B3GALNT2: variants seen among roughly 807,000 people sequenced by gnomAD.
B3GALNT2 encodes the protein UDP-GalNAc:beta-1,3-N-acetylgalactosaminyltransferase 2.
Under a neutral mutation model 61.1 loss-of-function variants are expected in B3GALNT2, and 53 were observed. The observed-to-expected ratio is 0.87, with a 90% confidence interval of 0.70 to 1.09. The LOEUF (loss-of-function observed/expected upper bound fraction) is 1.09, where lower values mean the gene tolerates loss of function less well. B3GALNT2 is among the 50% of genes least tolerant of loss of function. The pLI, the probability that B3GALNT2 is intolerant of heterozygous loss-of-function variation, is 0.00. For missense variants in B3GALNT2, 544 were observed against 623.0 expected, an observed-to-expected ratio of 0.87 and a Z score of 1.35; for synonymous variants, 223 against 237.4, an observed-to-expected ratio of 0.94 and a Z score of 0.56.
In B3GALNT2 at chr1:235,470,886, T is replaced by C; in HGVS notation, c.726A>G (p.Thr242=). The change falls in exon 6 of 12, where the codon ACA becomes ACG. Residue 242 remains threonine (T), a synonymous_variant. Coordinates refer to ENST00000366600, the MANE Select transcript of B3GALNT2 (RefSeq NM_152490.5). ...GLVSRNLHKV[T]VNDGGGVLRV... ...TGAGAACTCCCCCTCCATCATTCAC[T>C]GTCACTTTGTGGAGATTTCTTGACA... 2 of 1,614,122 alleles carry C rather than the reference T, an allele frequency of 1.2e-6. No individual in the cohort carries two copies. Among genetic ancestry groups the C allele is most frequent in the South Asian group, 1.1e-5 (1 of 91,072 alleles).
chr1:235,479,789 G>A, intron 5 of B3GALNT2: 2 of 315,502 alleles, frequency 6.3e-6, no homozygotes, highest in Non-Finnish European at 1.2e-5. Context: ...AAACAATTGT[G>A]TAGTTCTCTA....
At chr1:235,445,213 A>G (rs1030841921), downstream of B3GALNT2, among the ~76,000 whole-genome samples, 1 of 152,016 alleles carries the variant, frequency 6.6e-6, no homozygotes, top group Non-Finnish European at 1.5e-5. Flanking sequence ...CCCCTTTTTT[A>G]TTTGCTTTTC....
At chr1:235,486,806 T>A (rs933891949) in intron 3 of B3GALNT2, among the ~76,000 whole-genome samples, 13 of 152,172 alleles carry the variant, frequency 8.5e-5, no homozygotes, top group African/African-American at 2.9e-4. Context: ...CAATTGTAAT[T>A]TGTTGGAGGA....
Position 235,448,189 on chromosome 1 carries a change from GACTT to G in B3GALNT2, c.*2013_*2016del, listed in dbSNP as rs989400559. Reference sequence around the variant, plus strand: ...CACTCCAGCCTGGGCGACAGAGCAAGACTTACTTAAGTAAGTAAGTAAGTCAGTC... The same window carrying G: ...CACTCCAGCCTGGGCGACAGAGCAAGACTTAAGTAAGTAAGTAAGTCAGTC... On this transcript the variant is annotated 3_prime_UTR_variant, in exon 12 of 12. Coordinates refer to ENST00000366600, the MANE Select transcript of B3GALNT2 (RefSeq NM_152490.5). Among the ~76,000 whole-genome samples, 35 of 119,564 alleles carry G rather than the reference GACTT, an allele frequency of 2.9e-4. No individual in the cohort carries two copies. Among genetic ancestry groups the G allele is most frequent in the Non-Finnish European group, 4.0e-4 (25 of 61,870 alleles). The allele number at this position is 119,564 out of a possible 152,430, so 78.4% of individuals were successfully genotyped here. A position where few individuals can be genotyped will look rare whatever the true frequency, so the allele number is the denominator to read the frequency against.
chr1:235,450,405 T>C (rs376299531), intron 11 of B3GALNT2, 65 bp from the exon 12 acceptor site: 29 of 1,548,840 alleles, frequency 1.9e-5, no homozygotes, highest in Admixed American at 6.7e-5. Flanking sequence ...TCAGAAAGTA[T>C]GCACGTAGAC....
the B3GALNT2 span, chr1:235,441,659 C>T: frequency 1.5e-6 from 1 of 667,290 alleles, no homozygotes; most frequent in Non-Finnish European, 2.6e-6. Context: ...TTGTCCATCA[C>T]TCCTAAAAAT....
chr1:235,489,325 T>A, intron 2 of B3GALNT2, 57 bp from the exon 3 acceptor site: 1 of 1,602,830 alleles, frequency 6.2e-7, no homozygotes, highest in African/African-American at 1.3e-5. Context: ...CACATGCACG[T>A]TTCCTCATGC....
chr1:235,458,388 C>T (rs989464444), intron 8 of B3GALNT2, among the ~76,000 whole-genome samples: 19 of 151,788 alleles, frequency 1.3e-4, no homozygotes, highest in Admixed American at 7.9e-4. Flanking sequence ...TAAATTGTCT[C>T]GATAGCAAAA....
intron 7 of B3GALNT2, among the ~76,000 whole-genome samples, chr1:235,461,007 A>G (rs984242434): frequency 6.6e-6 from 1 of 152,250 alleles, no homozygotes; most frequent in Non-Finnish European, 1.5e-5. Context: ...TACTGATTTA[A>G]GGCAATTCTT....
chr1:235,453,532 T>G (rs1683026325), intron 10 of B3GALNT2, among the ~76,000 whole-genome samples: 1 of 151,986 alleles, frequency 6.6e-6, no homozygotes, highest in South Asian at 2.1e-4. Context: ...CTCAGCTCAC[T>G]GCAAACTCCG....
rs754180159 is a variant in B3GALNT2 at position 235,449,020 on chromosome 1, C to CATG, written c.*1183_*1185dup. On this transcript the variant is annotated 3_prime_UTR_variant, in exon 12 of 12. Coordinates refer to ENST00000366600, the MANE Select transcript of B3GALNT2 (RefSeq NM_152490.5). ...ATTTTTACAGCTCATCACTGCATTT[C>CATG]ATGATAAGATTTAAATATTAAATAG... is the stretch of plus-strand genomic sequence containing the variant. The CATG allele has an allele frequency of 2.9e-5, 11 of 384,286 alleles. No individual in the cohort carries two copies. The highest frequency in any genetic ancestry group is 4.4e-5 in the Non-Finnish European group (9 of 204,178). 23.8% of individuals were successfully genotyped at this position (384,286 alleles called of 1,614,324 possible).
At chr1:235,446,183 C>CTT (rs11463602), downstream of B3GALNT2, among the ~76,000 whole-genome samples, 32 of 149,134 alleles carry the variant, frequency 2.1e-4, no homozygotes, top group African/African-American at 6.9e-4. Flanking sequence ...CCTATACATC[C>CTT]TTTTTTTTTT....
At chr1:235,488,692 C>CAAAAAA (rs11436508) in intron 3 of B3GALNT2, among the ~76,000 whole-genome samples, 27 of 38,016 alleles carry the variant, frequency 7.1e-4, no homozygotes, top group Non-Finnish European at 1.1e-3. Flanking sequence ...ACTCCATCTC[C>CAAAAAA]AAAAAAAAAA....
chr1:235,446,423 C>T (rs1321466079), downstream of B3GALNT2, among the ~76,000 whole-genome samples: 3 of 152,024 alleles, frequency 2.0e-5, no homozygotes, highest in Non-Finnish European at 2.9e-5. Flanking sequence ...ATGATCCGCC[C>T]GCCTCGGCCT....
chr1:235,498,933 A>G (rs1685461646), intron 1 of B3GALNT2, among the ~76,000 whole-genome samples: 1 of 151,138 alleles, frequency 6.6e-6, no homozygotes, highest in Admixed American at 6.7e-5. Flanking sequence ...CTGCAGGGCA[A>G]TTTGGCAATG....
In B3GALNT2 at chr1:235,447,521, C is replaced by A. The variant is rs555667689; in HGVS notation, c.*2685G>T. Among the ~76,000 whole-genome samples, 123 of 152,230 alleles carry A rather than the reference C, an allele frequency of 8.1e-4. No homozygotes were observed. Among genetic ancestry groups the A allele is most frequent in the African/African-American group, 2.8e-3 (117 of 41,538 alleles). The stretch of plus-strand genomic sequence containing the variant: ...CTTGTGTATGTTTAATACAGTTACA[C>A]ATGATGTAATTACAGAATGGCGGCG... On this transcript the variant is annotated 3_prime_UTR_variant, in exon 12 of 12. Coordinates refer to ENST00000366600, the MANE Select transcript of B3GALNT2 (RefSeq NM_152490.5).
intron 8 of B3GALNT2, 90 bp from the exon 9 acceptor site, chr1:235,455,774 T>C (rs1283378963): frequency 7.2e-7 from 1 of 1,381,338 alleles, no homozygotes; most frequent in Non-Finnish European, 9.9e-7. Flanking sequence ...TTCAAAACTG[T>C]ACCTGTCATT....
intron 3 of B3GALNT2, among the ~76,000 whole-genome samples, chr1:235,486,848 C>CA (rs1684830798): frequency 6.6e-6 from 1 of 152,124 alleles, no homozygotes; most frequent in Non-Finnish European, 1.5e-5. Flanking sequence ...AGTGACATAA[C>CA]ATTCTATGGG....
Position 235,458,584 on chromosome 1 carries a change from C to A in B3GALNT2, c.1025+19G>T. On this transcript the variant is annotated intron_variant, in intron 8 of 11. Coordinates refer to ENST00000366600, the MANE Select transcript of B3GALNT2 (RefSeq NM_152490.5). ...AACAATAAAACAAGTTCTAGCTACC[C>A]AACATTTTTACAACCTACCATCTAT... 1 of 1,560,756 alleles carries A rather than the reference C, an allele frequency of 6.4e-7. No individual in the cohort carries two copies. Among genetic ancestry groups the A allele is most frequent in the Non-Finnish European group, 8.6e-7 (1 of 1,160,648 alleles).
Sources: gnomAD v4.1 joint callset for allele counts (sites outside exome capture counted in the v4.1 genomes callset) on GRCh38, gnomAD v4.1.1 for gene constraint, MANE v1.5 for transcripts, NCBI Gene and HGNC (gene_info 2026-07-23, HGNC 2026-07-21) for gene names.